The following CADPS2 variants were observed in gnomAD, a reference collection of about 807,000 sequenced individuals.
CADPS2 encodes the protein calcium-dependent secretion activator 2.
In CADPS2, 93 loss-of-function variants were observed where a neutral mutation model predicts 172.5. The observed-to-expected ratio is 0.54, with a 90% confidence interval of 0.46 to 0.64. The LOEUF is 0.64. Ranked by LOEUF, CADPS2 falls within the 30% of genes least tolerant of loss-of-function variation. The probability of loss-of-function intolerance (pLI) is 0.00; values close to 1 mark genes in which losing one functional copy is unlikely to be tolerated. For missense variants in CADPS2, 1,420 were observed against 1,565.9 expected (o/e 0.91, Z 1.57); for synonymous variants, 546 against 555.2 (o/e 0.98, Z 0.23).
intron 9 of CADPS2, among the ~76,000 whole-genome samples, chr7:122,495,637 AC>A (rs1207403431): frequency 1.3e-5 from 2 of 152,142 alleles, no homozygotes; most frequent in African/African-American, 4.8e-5. Context: ...CTTCTTGCTC[AC>A]ATATGTGACA....
At chr7:122,328,505 G>A (rs1284150143) in intron 28 of CADPS2, 1 of 152,218 alleles carries the variant, frequency 6.6e-6, no homozygotes, top group East Asian at 1.9e-4. Context: ...AGCTTGCACA[G>A]AAGGTATGGG....
chr7:122,677,168 G>A (rs1056609112), intron 2 of CADPS2, among the ~76,000 whole-genome samples: 3 of 152,184 alleles, frequency 2.0e-5, no homozygotes, highest in East Asian at 3.8e-4. Context: ...CAAACAAATG[G>A]TTATACAAAC....
At chr7:122,801,991 C>T (rs1797760509) in intron 1 of CADPS2, among the ~76,000 whole-genome samples, 1 of 152,010 alleles carries the variant, frequency 6.6e-6, no homozygotes, top group Non-Finnish European at 1.5e-5. Flanking sequence ...TTAAAAATCT[C>T]TCATAATAGA....
rs552181806 is a variant in CADPS2, at chr7:122,604,427, A to G, written c.1223+10754T>C. On this transcript the variant is annotated intron_variant, in intron 6 of 29. Coordinates refer to ENST00000449022, the MANE Select transcript of CADPS2 (RefSeq NM_017954.11). ...GAACCCTGCCTGTGTAAAGATCTGC[A>G]CCAGCAGCACTGAGGGTGGACCAGC... Among the ~76,000 whole-genome samples, 3 of 152,234 alleles carry G rather than the reference A, an allele frequency of 2.0e-5. No homozygotes were observed. In the South Asian group the frequency reaches 6.2e-4, roughly 32 times the overall value.
intron 14 of CADPS2, among the ~76,000 whole-genome samples, chr7:122,466,786 T>G (rs2055198847): frequency 1.3e-5 from 2 of 152,332 alleles, no homozygotes; most frequent in Admixed American, 1.3e-4. Context: ...ATGGAGAAGC[T>G]GAGGCTCAGA....
chr7:122,735,559 T>C (rs866841697), intron 2 of CADPS2, among the ~76,000 whole-genome samples: 1 of 152,124 alleles, frequency 6.6e-6, no homozygotes, highest in African/African-American at 2.4e-5. Flanking sequence ...GGCCACATCA[T>C]ACTACGCTTA....
At chr7:122,380,187 A>G (rs2042829032) in intron 24 of CADPS2, among the ~76,000 whole-genome samples, 1 of 152,016 alleles carries the variant, frequency 6.6e-6, no homozygotes, top group Non-Finnish European at 1.5e-5. Flanking sequence ...AGAGGGCTCC[A>G]TTCTTAAATT....
intron 17 of CADPS2, among the ~76,000 whole-genome samples, chr7:122,423,114 A>G (rs1450908369): frequency 2.0e-5 from 3 of 152,260 alleles, no homozygotes; most frequent in East Asian, 1.9e-4. Context: ...GTACAGACTG[A>G]TGACTCAGTT....
chr7:122,566,945 T>A (rs552830633), intron 7 of CADPS2, among the ~76,000 whole-genome samples: 1 of 152,284 alleles, frequency 6.6e-6, no homozygotes, highest in South Asian at 2.1e-4. Flanking sequence ...GCATAATATG[T>A]CCATGGCCTT....
intron 1 of CADPS2, among the ~76,000 whole-genome samples, chr7:122,742,974 G>C (rs1008055874): frequency 6.6e-6 from 1 of 151,768 alleles, no homozygotes; most frequent in African/African-American, 2.4e-5. Flanking sequence ...ATATTATTTG[G>C]GGCAGTTGAT....
chr7:122,657,622 G>A (rs958313012), intron 3 of CADPS2, among the ~76,000 whole-genome samples: 3 of 152,072 alleles, frequency 2.0e-5, no homozygotes, highest in Admixed American at 6.6e-5. Flanking sequence ...TCTGTTATTG[G>A]TGTATAAGAA....
intron 24 of CADPS2, 97 bp from the exon 25 acceptor site, chr7:122,379,539 G>T: frequency 1.4e-6 from 1 of 737,872 alleles, no homozygotes; most frequent in South Asian, 1.6e-5. Context: ...TGACCTATCA[G>T]ATTTATTTAA....
At chr7:122,340,148 C>T (rs2150927166) in intron 28 of CADPS2, among the ~76,000 whole-genome samples, 1 of 152,082 alleles carries the variant, frequency 6.6e-6, no homozygotes, top group East Asian at 1.9e-4. Flanking sequence ...GAAATTAAGC[C>T]TTTATAAAAC....
chr7:122,705,538 T>TTATATATTA (rs1352993511), intron 2 of CADPS2, among the ~76,000 whole-genome samples: 3 of 120,608 alleles, frequency 2.5e-5, no homozygotes, highest in East Asian at 4.3e-4. Flanking sequence ...ATTATCTATA[T>TTATATATTA]TATATATTAT....
chr7:122,723,411 A>T (rs1445031760), intron 2 of CADPS2, among the ~76,000 whole-genome samples: 1 of 152,228 alleles, frequency 6.6e-6, no homozygotes, highest in Non-Finnish European at 1.5e-5. Context: ...TATGCAGCCA[A>T]AAGACACATG....
At chr7:122,466,982 A>C (rs955799357) in intron 14 of CADPS2, among the ~76,000 whole-genome samples, 2 of 152,084 alleles carry the variant, frequency 1.3e-5, no homozygotes, top group Non-Finnish European at 2.9e-5. Context: ...TTCAGTATTG[A>C]ACTTGAGGTT....
At chr7:122,323,299 A>C (rs1211805549) in intron 29 of CADPS2, among the ~76,000 whole-genome samples, 1 of 152,156 alleles carries the variant, frequency 6.6e-6, no homozygotes. Flanking sequence ...AAAACATGGA[A>C]AATCAACATA....
At chr7:122,821,354 C>G (rs1803228978) in intron 1 of CADPS2, among the ~76,000 whole-genome samples, 1 of 152,100 alleles carries the variant, frequency 6.6e-6, no homozygotes, top group African/African-American at 2.4e-5. Flanking sequence ...GAAATCTATC[C>G]TCAAGGAAAT....
rs551495487 is a variant in CADPS2, at chr7:122,417,042, T to C, written c.2477-878A>G. Among the ~76,000 whole-genome samples, 9 of 152,198 alleles carry C rather than the reference T, an allele frequency of 5.9e-5. No individual in the cohort carries two copies. In the East Asian group the frequency reaches 1.5e-3, roughly 26 times the overall value. ...GCAAGGAGGTTGTGAGGAAAGAAAA[T>C]CTAATTTTCAGTAAAAGAGATTCTT... On this transcript the variant is annotated intron_variant, in intron 17 of 29. Coordinates refer to ENST00000449022, the MANE Select transcript of CADPS2 (RefSeq NM_017954.11).
Sources: allele counts gnomAD v4.1 joint callset (sites outside exome capture counted in the v4.1 genomes callset), GRCh38; gene constraint gnomAD v4.1.1; transcripts MANE v1.5; gene names NCBI Gene and HGNC (gene_info 2026-07-23, HGNC 2026-07-21).